The following GRIA3 variants were observed in gnomAD, a reference collection of about 807,000 sequenced individuals.
GRIA3 encodes the protein glutamate ionotropic receptor AMPA type subunit 3, also known as glutamate receptor 3.
Under a neutral mutation model 63.0 loss-of-function variants are expected in GRIA3, and 3 were observed. The ratio of observed to expected loss-of-function variants is 0.05; its 90% CI spans 0.02 to 0.12. The LOEUF is 0.12. GRIA3 is among the 10% of genes least tolerant of loss of function. GRIA3 has a pLI of 1.00. For synonymous variants in GRIA3, 274 were observed against 257.9 expected, an observed-to-expected ratio of 1.06 and a Z score of -0.60; for missense variants, 347 against 700.9, an observed-to-expected ratio of 0.50 and a Z score of 5.70.
intron 15 of GRIA3, among the ~76,000 whole-genome samples, chrX:123,488,374 C>G (rs990714420): frequency 8.9e-6 from 1 of 112,420 alleles, no homozygotes; most frequent in Admixed American, 9.4e-5. Context: ...GGTGAACAAT[C>G]CTTTGTCATA....
At chrX:123,431,928 T>A (rs920174518) in intron 12 of GRIA3, among the ~76,000 whole-genome samples, 1 of 112,151 alleles carries the variant, frequency 8.9e-6, no homozygotes. Context: ...TTTTTAAAAC[T>A]CAAATAAGTA....
At chrX:123,253,264 A>T (rs1443554396) in intron 2 of GRIA3, 39 bp from the exon 3 acceptor site, 2 of 1,204,031 alleles carry the variant, frequency 1.7e-6, no homozygotes, top group East Asian at 5.9e-5. Flanking sequence ...GCAAAGGACC[A>T]TGGAGCTATT....
chrX:123,284,655 T>C (rs756158041), intron 3 of GRIA3, among the ~76,000 whole-genome samples: 2 of 110,270 alleles, frequency 1.8e-5, no homozygotes, highest in Non-Finnish European at 3.8e-5. Context: ...ATATCAGAGA[T>C]TGAAGATCCA....
chrX:123,240,503 A>T (rs1168941305), intron 2 of GRIA3, among the ~76,000 whole-genome samples: 1 of 111,833 alleles, frequency 8.9e-6, no homozygotes, highest in Admixed American at 9.5e-5. Context: ...GTTGCTGTCC[A>T]TCAGGATTGC....
intron 3 of GRIA3, among the ~76,000 whole-genome samples, chrX:123,272,090 C>T (rs1247925038): frequency 9.0e-6 from 1 of 111,471 alleles, no homozygotes; most frequent in Non-Finnish European, 1.9e-5. Flanking sequence ...GCAGAGAGAA[C>T]TCAGGGATAG....
chrX:123,313,943 A>C (rs1189387755), intron 3 of GRIA3, among the ~76,000 whole-genome samples: 1 of 111,267 alleles, frequency 9.0e-6, no homozygotes, highest in Non-Finnish European at 1.9e-5. Flanking sequence ...ATGTGGAATA[A>C]ATGGGACCTG....
chrX:123,221,827 A>G (rs2044220849), intron 2 of GRIA3, among the ~76,000 whole-genome samples: 1 of 111,775 alleles, frequency 8.9e-6, no homozygotes, highest in South Asian at 3.8e-4. Context: ...CAAAGTATAT[A>G]TGACCTTTTT....
chrX:123,293,888 G>C (rs1187530983), intron 3 of GRIA3, among the ~76,000 whole-genome samples: 1 of 110,258 alleles, frequency 9.1e-6, no homozygotes, highest in East Asian at 2.9e-4. Context: ...GAGGCATAGA[G>C]TTTAAGTCAA....
At position 123,405,040 on chromosome X, in the gene GRIA3, A is replaced by C. The variant is rs2045465023; in HGVS notation, c.1500+126A>C. 7.1e-6 allele frequency: 4 copies of C among 564,409 alleles called. No individual in the cohort carries two copies. In the East Asian group the frequency reaches 1.4e-4, roughly 19 times the overall value. The allele number at this position is 564,409 out of a possible 1,213,427, so 46.5% of individuals were successfully genotyped here. A position where few individuals can be genotyped will look rare whatever the true frequency, so the allele number is the denominator to read the frequency against. ...AGTTTACATATAGTCTACAAGAAAA[A>C]TATATTCTTCTACAGTTGCGCTCTG... On this transcript the variant is annotated intron_variant, in intron 10 of 15. Coordinates refer to ENST00000620443, the MANE Select transcript of GRIA3 (RefSeq NM_007325.5).
At chrX:123,466,362 C>G (rs1443718752) in intron 13 of GRIA3, among the ~76,000 whole-genome samples, 1 of 111,809 alleles carries the variant, frequency 8.9e-6, no homozygotes, top group Non-Finnish European at 1.9e-5. Context: ...TAAATGGGGT[C>G]TTTCTTCAAT....
intron 12 of GRIA3, among the ~76,000 whole-genome samples, chrX:123,432,774 G>A (rs1415518199): frequency 8.9e-6 from 1 of 112,159 alleles, no homozygotes; most frequent in African/African-American, 3.2e-5. Context: ...TTTAGACAGA[G>A]TTGGTTTGAC....
intron 15 of GRIA3, among the ~76,000 whole-genome samples, chrX:123,483,545 T>C (rs1188744257): frequency 1.8e-5 from 2 of 112,503 alleles, no homozygotes; most frequent in Non-Finnish European, 3.7e-5. Flanking sequence ...TGACTCATAC[T>C]AGTTACATAT....
chrX:123,337,375 T>C (rs2044980952), intron 4 of GRIA3, among the ~76,000 whole-genome samples: 1 of 112,165 alleles, frequency 8.9e-6, no homozygotes, highest in Non-Finnish European at 1.9e-5. Context: ...TTTTCATGCC[T>C]TTAATTATCT....
At chrX:123,251,297 T>C (rs1369327328) in intron 2 of GRIA3, among the ~76,000 whole-genome samples, 2 of 112,237 alleles carry the variant, frequency 1.8e-5, no homozygotes, top group African/African-American at 3.2e-5. Flanking sequence ...CAGGATTAAT[T>C]TGAGAATGGG....
intron 4 of GRIA3, among the ~76,000 whole-genome samples, chrX:123,345,830 C>A (rs2045045469): frequency 9.1e-6 from 1 of 110,452 alleles, no homozygotes; most frequent in African/African-American, 3.3e-5. Flanking sequence ...GAACAAAAAT[C>A]AGGGAAGGCT....
intron 2 of GRIA3, among the ~76,000 whole-genome samples, chrX:123,246,514 C>T (rs772134903): frequency 1.8e-5 from 2 of 111,839 alleles, no homozygotes; most frequent in African/African-American, 3.3e-5. Flanking sequence ...TGTCACATTA[C>T]TCTGATACCG....
intron 3 of GRIA3, among the ~76,000 whole-genome samples, chrX:123,275,715 A>G (rs1033344949): frequency 8.9e-6 from 1 of 112,182 alleles, no homozygotes; most frequent in Non-Finnish European, 1.9e-5. Context: ...CATATCTGAT[A>G]GTACTTTGGA....
chrX:123,363,190 C>T (rs1256868306), intron 5 of GRIA3, among the ~76,000 whole-genome samples: 1 of 112,044 alleles, frequency 8.9e-6, no homozygotes, highest in Non-Finnish European at 1.9e-5. Context: ...AGATAGTTGT[C>T]TTTGGCAGCC....
At chrX:123,285,837 C>A (rs764168031) in intron 3 of GRIA3, among the ~76,000 whole-genome samples, 8 of 108,799 alleles carry the variant, frequency 7.4e-5, no homozygotes, top group African/African-American at 2.7e-4. Context: ...TAACACCCCA[C>A]TGTCAATATT....
Sources: gnomAD v4.1 joint callset for allele counts (sites outside exome capture counted in the v4.1 genomes callset) on GRCh38, gnomAD v4.1.1 for gene constraint, MANE v1.5 for transcripts, NCBI Gene and HGNC (gene_info 2026-07-23, HGNC 2026-07-21) for gene names.